LARS2: variants seen among roughly 807,000 people sequenced by gnomAD.
LARS2 encodes the protein leucyl-tRNA synthetase 2, mitochondrial, also known as leucine--tRNA ligase, mitochondrial.
In LARS2, 81 loss-of-function variants were observed where a neutral mutation model predicts 116.6. The observed-to-expected ratio is 0.69, with a 90% CI of 0.58 to 0.84. LARS2 has a LOEUF of 0.84. Among genes scored for constraint, LARS2 ranks in the 40% least tolerant of loss-of-function variants. The pLI is 0.00. For synonymous variants in LARS2, 396 were observed against 407.2 expected, an observed-to-expected ratio of 0.97 and a Z score of 0.33; for missense variants, 968 against 1,114.5, an observed-to-expected ratio of 0.87 and a Z score of 1.87.
chr3:45,502,246 CTT>C (rs1193268344), intron 15 of LARS2, among the ~76,000 whole-genome samples: 1 of 151,894 alleles, frequency 6.6e-6, no homozygotes, highest in South Asian at 2.1e-4. Flanking sequence ...GATCGTTTCT[CTT>C]TTATTGATTT....
At chr3:45,484,618 A>ATATAT (rs1223081345) in intron 10 of LARS2, among the ~76,000 whole-genome samples, 9 of 13,902 alleles carry the variant, frequency 6.5e-4, no homozygotes, top group Admixed American at 1.7e-3. Context: ...AAAAAAAAAA[A>ATATAT]AAAAAAAAAA....
chr3:45,450,672 A>G (rs1021222285), intron 7 of LARS2, among the ~76,000 whole-genome samples: 2 of 152,254 alleles, frequency 1.3e-5, no homozygotes, highest in South Asian at 4.1e-4. Context: ...TAGTGCCACA[A>G]TAAGCATAGA....
In LARS2 at chr3:45,473,694, T is replaced by G. The variant is rs528167803; in HGVS notation, c.751-549T>G. On this transcript the variant is annotated intron_variant, in intron 8 of 21. Transcript: ENST00000645846. ...CCACTGCACCTGGCCTGTTGTTGTT[T>G]TTTTTTTTTTTTTATCACACATTAA... Among the ~76,000 whole-genome samples, 284 of 150,780 alleles carry G rather than the reference T, an allele frequency of 1.9e-3. 1 individual carries two copies. The highest frequency in any genetic ancestry group is 3.4e-3 in the Middle Eastern group (1 of 290).
intron 8 of LARS2, among the ~76,000 whole-genome samples, chr3:45,465,886 G>A (rs1699415784): frequency 6.6e-6 from 1 of 152,048 alleles, no homozygotes; most frequent in East Asian, 1.9e-4. Context: ...GACTTCTTGC[G>A]CACACTCCAC....
At chr3:45,404,530 C>T (rs1337011679) in intron 4 of LARS2, among the ~76,000 whole-genome samples, 1 of 152,198 alleles carries the variant, frequency 6.6e-6, no homozygotes, top group East Asian at 1.9e-4. Context: ...TCACTCTAAG[C>T]AGGGAAGGAA....
intron 6 of LARS2, among the ~76,000 whole-genome samples, chr3:45,434,461 A>G (rs1698768373): frequency 6.6e-6 from 1 of 151,934 alleles, no homozygotes; most frequent in South Asian, 2.1e-4. Flanking sequence ...CTTTGCTGGG[A>G]CTTTCTATTT....
At chr3:45,449,546 C>T (rs1699079081) in intron 7 of LARS2, among the ~76,000 whole-genome samples, 1 of 152,076 alleles carries the variant, frequency 6.6e-6, no homozygotes. Context: ...AGAGCAGAGC[C>T]CTCATGACCT....
At chr3:45,452,880 A>G (rs1699155868) in intron 7 of LARS2, among the ~76,000 whole-genome samples, 1 of 152,086 alleles carries the variant, frequency 6.6e-6, no homozygotes, top group South Asian at 2.1e-4. Flanking sequence ...CAATTACTTC[A>G]TGGTTCGATC....
chr3:45,409,571 T>C (rs1698293197), intron 4 of LARS2, among the ~76,000 whole-genome samples: 1 of 152,222 alleles, frequency 6.6e-6, no homozygotes, highest in Non-Finnish European at 1.5e-5. Context: ...AGCTTTGGTA[T>C]TTTGTAATCC....
At chr3:45,492,557 T>C (rs1335276480) in intron 13 of LARS2, among the ~76,000 whole-genome samples, 3 of 152,192 alleles carry the variant, frequency 2.0e-5, no homozygotes, top group Non-Finnish European at 4.4e-5. Flanking sequence ...AACCACGTAG[T>C]GTAATTGGAA....
chr3:45,422,139 A>G (rs1016878413), intron 6 of LARS2: 1 of 152,204 alleles, frequency 6.6e-6, no homozygotes, highest in Non-Finnish European at 1.5e-5. Context: ...ATTACCCTCC[A>G]TAAAGGCTAT....
intron 8 of LARS2, among the ~76,000 whole-genome samples, chr3:45,471,207 G>A (rs1699520354): frequency 6.6e-6 from 1 of 152,216 alleles, no homozygotes; most frequent in Non-Finnish European, 1.5e-5. Flanking sequence ...GTTATCAGCA[G>A]CTATTGGAAA....
At chr3:45,536,787 C>T (rs1388598294) in intron 20 of LARS2, among the ~76,000 whole-genome samples, 1 of 152,234 alleles carries the variant, frequency 6.6e-6, no homozygotes, top group Non-Finnish European at 1.5e-5. Context: ...CACTCAGTTG[C>T]TTCCCAGAGA....
At chr3:45,449,430 G>C (rs1237502775) in intron 7 of LARS2, among the ~76,000 whole-genome samples, 1 of 152,086 alleles carries the variant, frequency 6.6e-6, no homozygotes, top group African/African-American at 2.4e-5. Flanking sequence ...CCAAAGTGCT[G>C]AGATTATAGG....
intron 21 of LARS2, among the ~76,000 whole-genome samples, chr3:45,544,985 A>T (rs770661186): frequency 5.3e-5 from 8 of 152,026 alleles, no homozygotes; most frequent in Admixed American, 4.6e-4. Flanking sequence ...CAGAGGCCAG[A>T]CACCCCTCAG....
chr3:45,509,701 A>C (rs1559492401), intron 15 of LARS2, among the ~76,000 whole-genome samples: 1 of 152,074 alleles, frequency 6.6e-6, no homozygotes, highest in East Asian at 1.9e-4. Context: ...AGTGAAAACC[A>C]GATTCCCAAC....
At chr3:45,401,537 T>C (rs568287724) in intron 4 of LARS2, among the ~76,000 whole-genome samples, 76 of 152,046 alleles carry the variant, frequency 5.0e-4, no homozygotes, top group South Asian at 1.5e-3. Context: ...CCTTGAAGAA[T>C]GAGGTGAAAT....
intron 14 of LARS2, among the ~76,000 whole-genome samples, chr3:45,498,353 A>C (rs553701974): frequency 6.6e-6 from 1 of 152,304 alleles, no homozygotes; most frequent in East Asian, 1.9e-4. Context: ...GCTACTTTCA[A>C]CATTTCACTC....
chr3:45,406,067 T>G (rs1698227398), intron 4 of LARS2, among the ~76,000 whole-genome samples: 1 of 152,146 alleles, frequency 6.6e-6, no homozygotes, highest in African/African-American at 2.4e-5. Flanking sequence ...ACCCAGAATA[T>G]TCTTATCTTG....
Sources: gnomAD v4.1 joint callset for allele counts (sites outside exome capture counted in the v4.1 genomes callset) on GRCh38, gnomAD v4.1.1 for gene constraint, MANE v1.5 for transcripts, NCBI Gene and HGNC (gene_info 2026-07-23, HGNC 2026-07-21) for gene names.